Variants in SDK1 observed in about 807,000 individuals in gnomAD.
SDK1 encodes the protein sidekick cell adhesion molecule 1, also known as protein sidekick-1.
Under a neutral mutation model 245.5 loss-of-function variants are expected in SDK1, and 157 were observed. The observed-to-expected ratio is 0.64, with a 90% CI of 0.56 to 0.73. The LOEUF is 0.73. Among genes scored for constraint, SDK1 ranks in the 30% least tolerant of loss-of-function variants. The pLI, the probability that SDK1 is intolerant of heterozygous loss-of-function variation, is 0.00. For missense variants in SDK1, 3,583 were observed against 3,002.3 expected, an observed-to-expected ratio of 1.19 and a Z score of -4.52; for synonymous variants, 1,647 against 1,278.5, an observed-to-expected ratio of 1.29 and a Z score of -6.15.
intron 1 of SDK1, among the ~76,000 whole-genome samples, chr7:3,342,569 C>T (rs1780376617): frequency 6.6e-6 from 1 of 150,596 alleles, no homozygotes. Flanking sequence ...GCCTAGGCAA[C>T]AAGAGCGAAA....
intron 1 of SDK1, among the ~76,000 whole-genome samples, chr7:3,523,431 A>AT (rs1251899737): frequency 2.0e-5 from 3 of 152,194 alleles, no homozygotes; most frequent in Non-Finnish European, 4.4e-5. Context: ...TGCAAACATT[A>AT]TTAACACAGG....
intron 1 of SDK1, among the ~76,000 whole-genome samples, chr7:3,305,212 C>T (rs752230331): frequency 3.3e-5 from 5 of 152,166 alleles, no homozygotes; most frequent in Admixed American, 2.0e-4. Context: ...AGGTGTACAT[C>T]GGAATCACTG....
chr7:3,603,316 A>G (rs537028400), intron 1 of SDK1, among the ~76,000 whole-genome samples: 100 of 149,584 alleles, frequency 6.7e-4, no homozygotes, highest in African/African-American at 2.4e-3. Context: ...ACCCATGAGC[A>G]TGGAATGTTC....
chr7:4,236,258 C>A (rs1786159359), intron 41 of SDK1, among the ~76,000 whole-genome samples: 1 of 152,204 alleles, frequency 6.6e-6, no homozygotes, highest in African/African-American at 2.4e-5. Flanking sequence ...AGAACCTACT[C>A]CCCTTCCAGG....
At chr7:4,002,687 T>A (rs1020419793) in intron 14 of SDK1, among the ~76,000 whole-genome samples, 3 of 152,184 alleles carry the variant, frequency 2.0e-5, no homozygotes, top group Non-Finnish European at 4.4e-5. Context: ...CAAATACATA[T>A]ACACACAAAA....
intron 19 of SDK1, among the ~76,000 whole-genome samples, chr7:4,059,984 A>G (rs1779432005): frequency 6.7e-6 from 1 of 149,276 alleles, no homozygotes; most frequent in South Asian, 2.1e-4. Flanking sequence ...GGTTCACGCC[A>G]TTGTCCTGCT....
At chr7:3,721,882 C>T (rs1001486419) in intron 4 of SDK1, among the ~76,000 whole-genome samples, 1 of 152,166 alleles carries the variant, frequency 6.6e-6, no homozygotes, top group Non-Finnish European at 1.5e-5. Flanking sequence ...CCTTTAGGTA[C>T]CAATTATCTC....
At chr7:3,302,029 G>C (rs546963856) in intron 1 of SDK1, 145 bp downstream of exon 1, 1 of 488,784 alleles carries the variant, frequency 2.0e-6, no homozygotes, top group Non-Finnish European at 2.8e-6. Context: ...GAGCCCAGGG[G>C]CTCCTCCACG....
At chr7:3,531,034 A>C (rs1245930571) in intron 1 of SDK1, among the ~76,000 whole-genome samples, 1 of 152,178 alleles carries the variant, frequency 6.6e-6, no homozygotes, top group Admixed American at 6.5e-5. Context: ...ATATTCTGTC[A>C]CTATAACTCT....
intron 4 of SDK1, among the ~76,000 whole-genome samples, chr7:3,725,605 A>G (rs1008134162): frequency 1.3e-5 from 2 of 152,272 alleles, no homozygotes; most frequent in Admixed American, 1.3e-4. Flanking sequence ...AATATAAACC[A>G]TACATAGAGA....
At chr7:3,927,107 A>G (rs1354373506) in intron 5 of SDK1, among the ~76,000 whole-genome samples, 2 of 152,134 alleles carry the variant, frequency 1.3e-5, no homozygotes, top group Non-Finnish European at 2.9e-5. Context: ...TCTGTTCTCC[A>G]GTGTAGATTT....
At chr7:3,343,832 A>C (rs1780419413) in intron 1 of SDK1, among the ~76,000 whole-genome samples, 1 of 152,178 alleles carries the variant, frequency 6.6e-6, no homozygotes, top group African/African-American at 2.4e-5. Context: ...ATGAAAGTGA[A>C]GAGATGGGCA....
At chr7:3,389,495 T>G (rs192635388) in intron 1 of SDK1, among the ~76,000 whole-genome samples, 1 of 152,320 alleles carries the variant, frequency 6.6e-6, no homozygotes, top group Non-Finnish European at 1.5e-5. Context: ...TCACCTTCAC[T>G]GTCATTCCTT....
rs200671729 is a variant in SDK1 at position 4,268,765 on chromosome 7, G to T, written c.*3381G>T. 1,200 of 1,366,616 alleles carry T rather than the reference G, an allele frequency of 8.8e-4. 2 individuals are homozygous for T. The highest frequency in any genetic ancestry group is 1.5e-3 in the Admixed American group (77 of 52,582). 84.7% of individuals were successfully genotyped at this position (1,366,616 alleles called of 1,614,324 possible). ...CGTCCTGGTAGCATGGATCCAGTCT[G>T]AAAGGTGAGGACAACGTGGAAACTC... On this transcript the variant is annotated 3_prime_UTR_variant, in exon 45 of 45. Transcript: ENST00000404826.
At chr7:4,063,248 G>A (rs2128171691) in intron 19 of SDK1, among the ~76,000 whole-genome samples, 1 of 152,292 alleles carries the variant, frequency 6.6e-6, no homozygotes, top group African/African-American at 2.4e-5. Flanking sequence ...TAAATTTGGT[G>A]AGGTTGCAGG....
chr7:3,686,186 C>T (rs1018810250), intron 4 of SDK1, among the ~76,000 whole-genome samples: 3 of 152,204 alleles, frequency 2.0e-5, no homozygotes, highest in African/African-American at 2.4e-5. Flanking sequence ...AGTGATTCTC[C>T]TGCCTCAGCC....
intron 22 of SDK1, among the ~76,000 whole-genome samples, chr7:4,090,051 G>A (rs372751513): frequency 7.2e-5 from 11 of 152,246 alleles, no homozygotes; most frequent in African/African-American, 2.6e-4. Flanking sequence ...ACGCATTTTT[G>A]GCCAGAATGT....
chr7:4,105,368 A>G lies in SDK1; in HGVS notation c.3325-5295A>G, dbSNP rs529976598. On this transcript the variant is annotated intron_variant, in intron 22 of 44. Transcript: ENST00000404826. ...TGTCGCCAGGCTGGAGTGCAGTGGCATGATCTCAGCTCACTGCATCCTCCA... is the reference window on the plus strand; with the variant it reads ...TGTCGCCAGGCTGGAGTGCAGTGGCGTGATCTCAGCTCACTGCATCCTCCA... 2.4e-3 allele frequency among the ~76,000 whole-genome samples: 370 copies of G among 151,468 alleles called. 2 individuals carry two copies. Among genetic ancestry groups the G allele is most frequent in the African/African-American group, 8.6e-3 (355 of 41,246 alleles).
chr7:3,340,231 CT>C (rs1780310561), intron 1 of SDK1, among the ~76,000 whole-genome samples: 1 of 151,948 alleles, frequency 6.6e-6, no homozygotes, highest in Non-Finnish European at 1.5e-5. Context: ...TTTCAGACTA[CT>C]GCAATAAACC....
Sources: gnomAD v4.1 joint callset for allele counts (sites outside exome capture counted in the v4.1 genomes callset) on GRCh38, gnomAD v4.1.1 for gene constraint, MANE v1.5 for transcripts, NCBI Gene and HGNC (gene_info 2026-07-23, HGNC 2026-07-21) for gene names.